MIPOL1: variants seen among roughly 807,000 people sequenced by gnomAD.
MIPOL1 encodes mirror-image polydactyly gene 1 protein.
MIPOL1 carries 57 observed loss-of-function variants against 60.9 expected under a neutral mutation model. That is an observed-to-expected ratio of 0.94 (90% CI 0.76 to 1.17). The LOEUF (loss-of-function observed/expected upper bound fraction) is 1.17. Among genes scored for constraint, MIPOL1 ranks in the 50% most tolerant of loss-of-function variants. MIPOL1 has a pLI of 0.00. For synonymous variants in MIPOL1, 179 were observed against 168.8 expected, an observed-to-expected ratio of 1.06 and a Z score of -0.47; for missense variants, 551 against 511.6, an observed-to-expected ratio of 1.08 and a Z score of -0.74.
Position 37,550,677 on chromosome 14 carries a change from G to A in MIPOL1, c.*3706G>A, listed in dbSNP as rs928935779. ...AATGGTTGAAAGATTTATTTTGCTC[G>A]TGCTTAGCTAAATATGTCATCTCTA... On this transcript the variant is annotated 3_prime_UTR_variant, in exon 13 of 13. Transcript: ENST00000684589. 3 of 152,376 alleles carry A rather than the reference G, an allele frequency of 2.0e-5. No homozygotes were observed. The highest frequency in any genetic ancestry group is 6.6e-5 in the Admixed American group (1 of 15,248). The allele number at this position is 152,376 out of a possible 1,614,324, so 9.4% of individuals were successfully genotyped here. A position where few individuals can be genotyped will look rare whatever the true frequency, so the allele number is the denominator to read the frequency against.
intron 10 of MIPOL1, among the ~76,000 whole-genome samples, chr14:37,417,329 A>G (rs1268998445): frequency 6.6e-6 from 1 of 152,136 alleles, no homozygotes; most frequent in Non-Finnish European, 1.5e-5. Context: ...ATGTCAGACT[A>G]TCTCATATAT....
chr14:37,375,474 C>A lies in MIPOL1; in HGVS notation c.936+5850C>A, dbSNP rs1362964490. Among the ~76,000 whole-genome samples the A allele has an allele frequency of 7.2e-5, 11 of 152,128 alleles. 1 individual carries two copies. Among genetic ancestry groups the A allele is most frequent in the Admixed American group, 6.6e-4 (10 of 15,262 alleles). On this transcript the variant is annotated intron_variant, in intron 10 of 12. Transcript: ENST00000684589. ...TGCGGGGATTACAGACATGAGCTGCCATGCCCAGCCTCCTTTTTAATTTAT... is the reference window on the plus strand; with the variant it reads ...TGCGGGGATTACAGACATGAGCTGCAATGCCCAGCCTCCTTTTTAATTTAT...
At position 37,248,154 on chromosome 14, in the gene MIPOL1, A is replaced by G. The variant is rs1198347130; in HGVS notation, c.19+247A>G. On this transcript the variant is annotated intron_variant, in intron 3 of 12. Transcript: ENST00000684589. ...TGCACACAGAGGAGACACAGAAAAG[A>G]CATTGAGAGAGGGAGAAAAAAAAAG... Among the ~76,000 whole-genome samples the G allele has an allele frequency of 2.6e-5, 4 of 151,868 alleles. No individual in the cohort carries two copies. The East Asian group carries it at 7.7e-4, about 29-fold the overall frequency.
At chr14:37,371,471 G>A (rs2092636481) in intron 10 of MIPOL1, among the ~76,000 whole-genome samples, 1 of 151,654 alleles carries the variant, frequency 6.6e-6, no homozygotes, top group Non-Finnish European at 1.5e-5. Flanking sequence ...ATCTTTTCTA[G>A]TTGCTCATTT....
At chr14:37,411,344 A>G (rs1193306290) in intron 10 of MIPOL1, among the ~76,000 whole-genome samples, 1 of 152,104 alleles carries the variant, frequency 6.6e-6, no homozygotes, top group Non-Finnish European at 1.5e-5. Flanking sequence ...TCATTCTACC[A>G]TTATTTACTC....
chr14:37,320,772 T>C (rs1328503171), intron 9 of MIPOL1, among the ~76,000 whole-genome samples: 2 of 152,064 alleles, frequency 1.3e-5, no homozygotes, highest in Admixed American at 1.3e-4. Flanking sequence ...CAAAATACTT[T>C]TTATATTGTC....
chr14:37,437,494 A>G (rs193277186), intron 11 of MIPOL1, among the ~76,000 whole-genome samples: 2 of 152,234 alleles, frequency 1.3e-5, no homozygotes, highest in Non-Finnish European at 2.9e-5. Flanking sequence ...CACTTAAATT[A>G]TAATTAATAA....
chr14:37,365,881 C>A (rs572196287), intron 9 of MIPOL1, among the ~76,000 whole-genome samples: 109 of 152,094 alleles, frequency 7.2e-4, no homozygotes, highest in South Asian at 2.1e-3. Context: ...GCTTCGATTT[C>A]TTTACTTGCT....
Position 37,422,906 on chromosome 14 carries a change from A to C in MIPOL1, c.988A>C (p.Lys330Gln), listed in dbSNP as rs1566576635. 6.2e-7 allele frequency: 1 copy of C among 1,609,504 alleles called. No homozygotes were observed. Among genetic ancestry groups the C allele is most frequent in the African/African-American group, 1.3e-5 (1 of 74,810 alleles). The change falls in exon 11 of 13, where the codon AAA (lysine) becomes CAA (glutamine). Residue 330 changes from lysine (K) to glutamine (Q), a missense_variant. By Grantham distance (53) the Lys-to-Gln change is moderately conservative (BLOSUM62 1). Coordinates refer to ENST00000684589, the MANE Select transcript of MIPOL1 (RefSeq NM_001388067.1). ...QARETAVQQY[K>Q]KLEEEIQTLR... ...CAGAGAAACTGCAGTTCAACAGTAC[A>C]AAAAACTGGAAGAGGAAATCCAGAC...
chr14:37,438,854 G>A (rs1431061105), intron 11 of MIPOL1, among the ~76,000 whole-genome samples: 2 of 152,142 alleles, frequency 1.3e-5, no homozygotes, highest in Admixed American at 6.5e-5. Flanking sequence ...TAAATACTGT[G>A]CCTAACAGCA....
At chr14:37,425,257 C>T (rs2093941625) in intron 11 of MIPOL1, among the ~76,000 whole-genome samples, 1 of 152,170 alleles carries the variant, frequency 6.6e-6, no homozygotes, top group Admixed American at 6.5e-5. Flanking sequence ...CATGAACTGA[C>T]ATTACTTCCT....
At chr14:37,315,873 G>A (rs1046941842) in intron 9 of MIPOL1, among the ~76,000 whole-genome samples, 2 of 152,092 alleles carry the variant, frequency 1.3e-5, no homozygotes, top group African/African-American at 4.8e-5. Flanking sequence ...CTAAGACCAA[G>A]TTGTGTGGTG....
chr14:37,311,939 C>T (rs1032667291), intron 9 of MIPOL1, among the ~76,000 whole-genome samples: 2 of 152,074 alleles, frequency 1.3e-5, no homozygotes, highest in African/African-American at 4.8e-5. Flanking sequence ...ACAGCCTATT[C>T]ATCTTTCCTT....
At chr14:37,448,268 T>A (rs2094367053) in intron 11 of MIPOL1, among the ~76,000 whole-genome samples, 1 of 152,174 alleles carries the variant, frequency 6.6e-6, no homozygotes, top group Non-Finnish European at 1.5e-5. Flanking sequence ...CTAGCAGCCA[T>A]AGCCAGTGTG....
intron 11 of MIPOL1, among the ~76,000 whole-genome samples, chr14:37,441,041 T>C (rs2094236581): frequency 6.6e-6 from 1 of 152,220 alleles, no homozygotes; most frequent in Non-Finnish European, 1.5e-5. Flanking sequence ...CATATACCTA[T>C]TGGCTATTTG....
At chr14:37,355,036 C>T (rs1384520363) in intron 9 of MIPOL1, among the ~76,000 whole-genome samples, 9 of 137,344 alleles carry the variant, frequency 6.6e-5, no homozygotes, top group South Asian at 2.6e-4. Context: ...GATTTTGCAG[C>T]GGCTGGTACC....
chr14:37,220,004 A>C (rs1249538853), intron 1 of MIPOL1, among the ~76,000 whole-genome samples: 1 of 152,108 alleles, frequency 6.6e-6, no homozygotes, highest in Non-Finnish European at 1.5e-5. Flanking sequence ...GTGCTCTATT[A>C]TCCTAAATAA....
At chr14:37,359,931 A>G (rs1190774053) in intron 9 of MIPOL1, among the ~76,000 whole-genome samples, 2 of 152,132 alleles carry the variant, frequency 1.3e-5, no homozygotes, top group East Asian at 3.8e-4. Flanking sequence ...GTTTTTTCCC[A>G]TTCAGTATAA....
chr14:37,531,128 A>G (rs2095476684), intron 12 of MIPOL1, among the ~76,000 whole-genome samples: 2 of 152,224 alleles, frequency 1.3e-5, no homozygotes, highest in Non-Finnish European at 2.9e-5. Flanking sequence ...AGAAAGAATT[A>G]TACTAATTAT....
Sources: allele counts gnomAD v4.1 joint callset (sites outside exome capture counted in the v4.1 genomes callset), GRCh38; gene constraint gnomAD v4.1.1; transcripts MANE v1.5; gene names NCBI Gene and HGNC (gene_info 2026-07-23, HGNC 2026-07-21).